Variants in GLIS3 observed in about 807,000 individuals in gnomAD.
GLIS3 encodes GLIS family zinc finger 3, also known as zinc finger protein GLIS3.
In GLIS3, 53 loss-of-function variants were observed where a neutral mutation model predicts 78.6. That is an observed-to-expected ratio of 0.67 (90% CI 0.54 to 0.85). The LOEUF is 0.85. Ranked by LOEUF, GLIS3 falls within the 40% of genes least tolerant of loss-of-function variation. The pLI is 0.00. For synonymous variants in GLIS3, 684 were observed against 509.9 expected, an observed-to-expected ratio of 1.34 and a Z score of -4.60; for missense variants, 1,703 against 1,231.1, an observed-to-expected ratio of 1.38 and a Z score of -5.74.
intron 2 of GLIS3, among the ~76,000 whole-genome samples, chr9:4,206,405 G>T (rs1387299811): frequency 1.3e-5 from 2 of 152,238 alleles, no homozygotes; most frequent in Non-Finnish European, 2.9e-5. Context: ...AACCTTGAAA[G>T]AGGCTTATTT....
chr9:3,878,232 C>A (rs1821456933), intron 8 of GLIS3, among the ~76,000 whole-genome samples: 1 of 151,846 alleles, frequency 6.6e-6, no homozygotes, highest in African/African-American at 2.4e-5. Flanking sequence ...CCTCTTTAGG[C>A]TCCTGTGGGA....
chr9:3,921,314 C>G lies in GLIS3; in HGVS notation c.1983+11046G>C, dbSNP rs917231518. ...CTGCAGTTTGGATTTTTCACTAAGTCCATTCACAGGCATGGTCTCACTTGA... is the reference window on the plus strand; with the variant it reads ...CTGCAGTTTGGATTTTTCACTAAGTGCATTCACAGGCATGGTCTCACTTGA... On this transcript the variant is annotated intron_variant, in intron 6 of 10. Transcript: ENST00000381971. Among the ~76,000 whole-genome samples, 3 of 152,186 alleles carry G rather than the reference C, an allele frequency of 2.0e-5. 1 individual carries two copies. Among genetic ancestry groups the G allele is most frequent in the Non-Finnish European group, 4.4e-5 (3 of 68,030 alleles).
intron 4 of GLIS3, among the ~76,000 whole-genome samples, chr9:3,955,981 T>G (rs933391274): frequency 7.1e-5 from 10 of 141,310 alleles, no homozygotes; most frequent in Non-Finnish European, 1.2e-4. Flanking sequence ...TACCATAGAC[T>G]GCTCCCATAA....
chr9:4,077,352 G>A (rs1267915080), intron 4 of GLIS3, among the ~76,000 whole-genome samples: 1 of 152,172 alleles, frequency 6.6e-6, no homozygotes, highest in Non-Finnish European at 1.5e-5. Flanking sequence ...AAGAGATGCT[G>A]AGAAACTGGC....
chr9:4,358,906 C>G, the GLIS3 span, among the ~76,000 whole-genome samples: 5 of 152,294 alleles, frequency 3.3e-5, no homozygotes, highest in East Asian at 5.8e-4. Flanking sequence ...TGCCTCCACT[C>G]TCCCACTCCA....
chr9:4,011,679 A>G (rs552741167), intron 4 of GLIS3, among the ~76,000 whole-genome samples: 3 of 152,232 alleles, frequency 2.0e-5, no homozygotes, highest in Non-Finnish European at 2.9e-5. Flanking sequence ...GAGTTGCCCT[A>G]TGATCTTTAT....
At chr9:3,998,459 A>G (rs940743245) in intron 4 of GLIS3, among the ~76,000 whole-genome samples, 4 of 152,064 alleles carry the variant, frequency 2.6e-5, no homozygotes, top group Non-Finnish European at 5.9e-5. Context: ...TAGAATTACA[A>G]TAATGTACTT....
chr9:3,863,725 C>CAG (rs1433436873), intron 8 of GLIS3, among the ~76,000 whole-genome samples: 1 of 152,122 alleles, frequency 6.6e-6, no homozygotes, highest in Non-Finnish European at 1.5e-5. Context: ...GTGTGAGAAA[C>CAG]AGAAAGGACA....
At chr9:4,477,901 T>C in the GLIS3 span, among the ~76,000 whole-genome samples, 2 of 152,148 alleles carry the variant, frequency 1.3e-5, no homozygotes, top group African/African-American at 4.8e-5. Context: ...AAAAATGAAA[T>C]TGGAAACAAT....
intron 3 of GLIS3, among the ~76,000 whole-genome samples, chr9:4,121,178 C>T (rs1473298959): frequency 2.0e-5 from 3 of 152,216 alleles, no homozygotes. Flanking sequence ...CAGTCTTCCT[C>T]CTGTGTGATT....
chr9:4,485,575 C>A, the GLIS3 span, among the ~76,000 whole-genome samples: 1 of 152,154 alleles, frequency 6.6e-6, no homozygotes, highest in Non-Finnish European at 1.5e-5. Flanking sequence ...TTCCTGTCTC[C>A]CCATGTGACT....
At chr9:4,314,543 A>G (rs748443687) in intron 2 of GLIS3, among the ~76,000 whole-genome samples, 1 of 152,224 alleles carries the variant, frequency 6.6e-6, no homozygotes, top group Non-Finnish European at 1.5e-5. Context: ...AAAAAGAAAG[A>G]AAGTAAGGGA....
rs114714958 is a variant in GLIS3 at position 4,156,331 on chromosome 9, C to G, written c.389-30390G>C. Among the ~76,000 whole-genome samples the G allele has an allele frequency of 5.0e-3, 761 of 152,306 alleles. 9 individuals carry two copies. The highest frequency in any genetic ancestry group is 0.017 in the African/African-American group (718 of 41,562). ...TCTCTACTTCCTTTCCTCTCCTTCC[C>G]TTACCGATTAGCTGATTAAACCTCA... On this transcript the variant is annotated intron_variant, in intron 2 of 10. Transcript: ENST00000381971.
At chr9:4,047,869 G>A (rs1825381408) in intron 4 of GLIS3, among the ~76,000 whole-genome samples, 1 of 152,218 alleles carries the variant, frequency 6.6e-6, no homozygotes, top group Non-Finnish European at 1.5e-5. Flanking sequence ...ATTGCAATTA[G>A]TGTAGGCAAG....
At chr9:4,436,361 G>A in the GLIS3 span, among the ~76,000 whole-genome samples, 1 of 152,084 alleles carries the variant, frequency 6.6e-6, no homozygotes, top group East Asian at 1.9e-4. Context: ...GTGTTAATAG[G>A]AAATAAGATA....
intron 8 of GLIS3, among the ~76,000 whole-genome samples, chr9:3,877,924 GT>G (rs954439422): frequency 6.6e-6 from 1 of 152,006 alleles, no homozygotes; most frequent in Non-Finnish European, 1.5e-5. Flanking sequence ...GCCTATAATG[GT>G]TCTTCACTCC....
chr9:4,318,175 G>A (rs1242782257), intron 2 of GLIS3, among the ~76,000 whole-genome samples: 4 of 152,172 alleles, frequency 2.6e-5, no homozygotes, highest in African/African-American at 9.7e-5. Flanking sequence ...GAAGTGGTGG[G>A]TGGAAGGCAG....
At chr9:4,108,653 C>T (rs936583284) in intron 4 of GLIS3, among the ~76,000 whole-genome samples, 2 of 152,132 alleles carry the variant, frequency 1.3e-5, no homozygotes, top group African/African-American at 4.8e-5. Flanking sequence ...ATATATCTCA[C>T]CAAAAACACA....
chr9:4,442,292 T>C, the GLIS3 span, among the ~76,000 whole-genome samples: 1 of 152,336 alleles, frequency 6.6e-6, no homozygotes, highest in East Asian at 1.9e-4. Context: ...GCATCAGTTG[T>C]CATGTCTCCT....
Sources: gnomAD v4.1 joint callset for allele counts (sites outside exome capture counted in the v4.1 genomes callset) on GRCh38, gnomAD v4.1.1 for gene constraint, MANE v1.5 for transcripts, NCBI Gene and HGNC (gene_info 2026-07-23, HGNC 2026-07-21) for gene names.